The following NALF1 variants were observed in gnomAD, a reference collection of about 807,000 sequenced individuals.
The protein encoded by NALF1 is family with sequence similarity 155 member A.
A neutral mutation model predicts 48.4 loss-of-function variants in NALF1; 3 were observed. The ratio of observed to expected loss-of-function variants is 0.06; its 90% CI spans 0.03 to 0.16. NALF1 has a LOEUF of 0.16. Among genes scored for constraint, NALF1 ranks in the 10% least tolerant of loss-of-function variants. The pLI is 1.00. For synonymous variants in NALF1, 262 were observed against 245.7 expected, an observed-to-expected ratio of 1.07 and a Z score of -0.62; for missense variants, 526 against 571.5, an observed-to-expected ratio of 0.92 and a Z score of 0.81.
At chr13:107,850,442 A>G (rs7993103) in intron 1 of NALF1, among the ~76,000 whole-genome samples, 10,897 of 152,246 alleles carry the variant, frequency 0.072, 469 homozygotes, top group East Asian at 0.18. Flanking sequence ...ATTGGTTTCT[A>G]TTATAAGTAA....
chr13:107,588,690 G>T (rs1878523686), intron 1 of NALF1, among the ~76,000 whole-genome samples: 1 of 151,994 alleles, frequency 6.6e-6, no homozygotes, highest in Non-Finnish European at 1.5e-5. Context: ...GCATAATTTT[G>T]ACTGTGCAGA....
chr13:107,459,696 T>G (rs942065043), intron 1 of NALF1, among the ~76,000 whole-genome samples: 4 of 152,146 alleles, frequency 2.6e-5, no homozygotes, highest in Non-Finnish European at 5.9e-5. Context: ...ATCCCCTGTA[T>G]GTAAGAAAAT....
intron 1 of NALF1, among the ~76,000 whole-genome samples, chr13:107,731,923 G>A (rs1876321249): frequency 1.3e-5 from 2 of 152,098 alleles, no homozygotes; most frequent in African/African-American, 4.8e-5. Flanking sequence ...TTGTCCTACA[G>A]AATTCTCCAT....
At chr13:107,195,577 T>G (rs965240632) in intron 2 of NALF1, among the ~76,000 whole-genome samples, 1 of 152,228 alleles carries the variant, frequency 6.6e-6, no homozygotes, top group Admixed American at 6.5e-5. Flanking sequence ...TTAATAGTTA[T>G]GTATAAAGCC....
At position 107,866,331 on chromosome 13, in the gene NALF1, CGCTGCCTCTGCTGCTGCTGCTGCT is replaced by C; in HGVS notation, c.242_265del (p.Gln81_Gln88del). On this transcript the variant is annotated inframe_deletion, in exon 1 of 3. Coordinates refer to ENST00000375915, the MANE Select transcript of NALF1 (RefSeq NM_001080396.3). This position sits in a 1 kb window ranked among gnomAD's most constrained non-coding sequence, Gnocchi z 4.4. The stretch of plus-strand genomic sequence containing the variant: ...CCGCCGCTGCTGCTGCTGCTGCTGC[CGCTGCCTCTGCTGCTGCTGCTGCT>C]GCTGCTGCTGCCGCTGCTGCTGCTG... 6.2e-7 allele frequency: 1 copy of C among 1,608,944 alleles called. No individual in the cohort carries two copies. The highest frequency in any genetic ancestry group is 1.1e-5 in the South Asian group (1 of 90,916).
At chr13:107,463,163 A>G (rs1192641845) in intron 1 of NALF1, among the ~76,000 whole-genome samples, 2 of 152,230 alleles carry the variant, frequency 1.3e-5, no homozygotes, top group Non-Finnish European at 2.9e-5. Flanking sequence ...TTGTGATTTT[A>G]TATAAATTAT....
chr13:107,711,231 A>G (rs1268219622), intron 1 of NALF1, among the ~76,000 whole-genome samples: 1 of 152,176 alleles, frequency 6.6e-6, no homozygotes. Context: ...ACACGTGCCA[A>G]AAGAGTGCCC....
chr13:107,460,487 T>G (rs1388732292), intron 1 of NALF1, among the ~76,000 whole-genome samples: 1 of 152,262 alleles, frequency 6.6e-6, no homozygotes, highest in Non-Finnish European at 1.5e-5. Flanking sequence ...GACTTCTTTC[T>G]AAGCCTTTTG....
At chr13:107,292,281 T>A (rs1000282915) in intron 1 of NALF1, among the ~76,000 whole-genome samples, 1 of 152,204 alleles carries the variant, frequency 6.6e-6, no homozygotes, top group Non-Finnish European at 1.5e-5. Flanking sequence ...ATGCCATGAA[T>A]GGAGCTTGCA....
intron 1 of NALF1, among the ~76,000 whole-genome samples, chr13:107,298,751 A>G (rs1192993744): frequency 1.3e-5 from 2 of 152,072 alleles, no homozygotes; most frequent in African/African-American, 2.4e-5. Flanking sequence ...TCTTTATTTC[A>G]CTGTTTCTTT....
chr13:107,581,443 T>A (rs934386491), intron 1 of NALF1, among the ~76,000 whole-genome samples: 1 of 152,186 alleles, frequency 6.6e-6, no homozygotes, highest in Non-Finnish European at 1.5e-5. Flanking sequence ...ATAGTGTTTA[T>A]CTGTTCTGTC....
intron 1 of NALF1, among the ~76,000 whole-genome samples, chr13:107,638,292 T>G (rs944439228): frequency 6.6e-5 from 10 of 150,958 alleles, no homozygotes; most frequent in Non-Finnish European, 1.2e-4. Flanking sequence ...ATCATTTATT[T>G]CCAGGAGTAG....
At chr13:107,303,008 C>T (rs1232247785) in intron 1 of NALF1, among the ~76,000 whole-genome samples, 1 of 152,194 alleles carries the variant, frequency 6.6e-6, no homozygotes, top group African/African-American at 2.4e-5. Flanking sequence ...ACTTGCATGA[C>T]GTGCTCCATG....
chr13:107,230,990 G>T (rs1358028790), intron 1 of NALF1, among the ~76,000 whole-genome samples: 5 of 148,258 alleles, frequency 3.4e-5, no homozygotes, highest in African/African-American at 1.0e-4. Flanking sequence ...AGCCTGGGAG[G>T]TTGAGGTTGC....
chr13:107,210,472 A>C (rs1879737755), intron 2 of NALF1, 112 bp downstream of exon 2: 2 of 756,704 alleles, frequency 2.6e-6, no homozygotes, highest in Non-Finnish European at 4.5e-6. Context: ...GAAAACTACC[A>C]GCCGCATCTT....
At chr13:107,403,851 A>G (rs553874535) in intron 1 of NALF1, among the ~76,000 whole-genome samples, 34 of 152,078 alleles carry the variant, frequency 2.2e-4, no homozygotes, top group Non-Finnish European at 4.4e-4. Context: ...CACAGTATTG[A>G]AAAAGTGGTC....
chr13:107,514,903 T>C (rs900119456), intron 1 of NALF1, among the ~76,000 whole-genome samples: 2 of 152,210 alleles, frequency 1.3e-5, no homozygotes, highest in African/African-American at 2.4e-5. Flanking sequence ...CAGCAGAGAA[T>C]AGAGCAGATC....
At chr13:107,796,921 G>A (rs189091542) in intron 1 of NALF1, among the ~76,000 whole-genome samples, 35 of 152,102 alleles carry the variant, frequency 2.3e-4, no homozygotes, top group African/African-American at 6.7e-4. Context: ...TATTTTACAC[G>A]TGCCCAATAC....
At chr13:107,549,410 T>C (rs777042456) in intron 1 of NALF1, among the ~76,000 whole-genome samples, 5 of 152,124 alleles carry the variant, frequency 3.3e-5, no homozygotes, top group Non-Finnish European at 7.4e-5. Flanking sequence ...AAACTAAAAA[T>C]TAGGTTTCAC....
Sources: gnomAD v4.1 joint callset for allele counts (sites outside exome capture counted in the v4.1 genomes callset) on GRCh38, gnomAD v4.1.1 for gene constraint, Gnocchi (gnomAD v3.1) non-coding constraint, MANE v1.5 for transcripts, NCBI Gene and HGNC (gene_info 2026-07-23, HGNC 2026-07-21) for gene names.